AGFG1: variants seen among roughly 807,000 people sequenced by gnomAD.
AGFG1 encodes arf-GAP domain and FG repeat-containing protein 1.
In AGFG1, 10 loss-of-function variants were observed where a neutral mutation model predicts 60.6. The observed-to-expected ratio is 0.16, with a 90% CI of 0.10 to 0.28. AGFG1 has a LOEUF of 0.28. AGFG1 is among the 10% of genes least tolerant of loss of function. AGFG1 has a pLI of 1.00. For synonymous variants in AGFG1, 247 were observed against 242.9 expected (o/e 1.02, Z -0.16); for missense variants, 537 against 676.5 (o/e 0.79, Z 2.29).
At chr2:227,520,979 T>G (rs1691808526) in intron 3 of AGFG1, among the ~76,000 whole-genome samples, 1 of 152,198 alleles carries the variant, frequency 6.6e-6, no homozygotes, top group Non-Finnish European at 1.5e-5. Flanking sequence ...ACAGCAGAGG[T>G]CTTTACCTTC....
intron 2 of AGFG1, among the ~76,000 whole-genome samples, chr2:227,505,067 A>G (rs1375440105): frequency 1.3e-5 from 2 of 151,994 alleles, no homozygotes; most frequent in African/African-American, 4.8e-5. Flanking sequence ...TAAATACATC[A>G]TTTTTTGCTG....
At chr2:227,554,371 G>A in intron 12 of AGFG1, 65 bp from the exon 13 acceptor site, 1 of 1,323,512 alleles carries the variant, frequency 7.6e-7, no homozygotes, top group Non-Finnish European at 1.1e-6. Flanking sequence ...TCAGTTTAAT[G>A]TTTTTATATT....
At chr2:227,523,356 A>G (rs947464796) in intron 3 of AGFG1, among the ~76,000 whole-genome samples, 13 of 152,166 alleles carry the variant, frequency 8.5e-5, no homozygotes, top group African/African-American at 2.7e-4. Context: ...TAATATTACA[A>G]ATGTTTTCCT....
intron 5 of AGFG1, among the ~76,000 whole-genome samples, chr2:227,528,765 GCAA>G (rs1465208731): frequency 2.0e-5 from 3 of 152,182 alleles, no homozygotes; most frequent in Non-Finnish European, 2.9e-5. Context: ...ACAAGTCACT[GCAA>G]CTCTACAGAC....
At chr2:227,482,203 T>G (rs980867537) in intron 1 of AGFG1, among the ~76,000 whole-genome samples, 1 of 152,200 alleles carries the variant, frequency 6.6e-6, no homozygotes, top group Non-Finnish European at 1.5e-5. Context: ...TAATTAGGTT[T>G]AAGTCATAAC....
rs181186541 is a variant in AGFG1 at position 227,519,357 on chromosome 2, A to C, written c.262-591A>C. Among the ~76,000 whole-genome samples, 62 of 152,198 alleles carry C rather than the reference A, an allele frequency of 4.1e-4. 1 individual carries two copies. The highest frequency in any genetic ancestry group is 1.5e-3 in the African/African-American group (61 of 41,538). On this transcript the variant is annotated intron_variant, in intron 2 of 12. Coordinates refer to ENST00000310078, the MANE Select transcript of AGFG1 (RefSeq NM_004504.5). ...TTATTTTGATGAAGTCTGCTTTATCAGTTTTTCTCTTTATAGTTCTTTTTG... is the reference window on the plus strand; with the variant it reads ...TTATTTTGATGAAGTCTGCTTTATCCGTTTTTCTCTTTATAGTTCTTTTTG...
chr2:227,528,277 CTCT>C (rs1427022136), intron 5 of AGFG1, among the ~76,000 whole-genome samples: 1 of 152,138 alleles, frequency 6.6e-6, no homozygotes, highest in Non-Finnish European at 1.5e-5. Context: ...TGACATGGAT[CTCT>C]TTTTTCAGGA....
At chr2:227,545,027 C>T (rs549154581) in intron 10 of AGFG1, among the ~76,000 whole-genome samples, 1 of 152,304 alleles carries the variant, frequency 6.6e-6, no homozygotes, top group African/African-American at 2.4e-5. Flanking sequence ...TGGGGAAGTT[C>T]TCCTGGATAA....
chr2:227,531,527 T>C (rs1161451954), intron 6 of AGFG1, among the ~76,000 whole-genome samples: 9 of 146,494 alleles, frequency 6.1e-5, no homozygotes, highest in South Asian at 2.3e-4. Flanking sequence ...CTCTGTCTCT[T>C]TTTTTTTTTT....
chr2:227,502,429 T>C (rs1691187355), intron 2 of AGFG1, among the ~76,000 whole-genome samples: 1 of 152,182 alleles, frequency 6.6e-6, no homozygotes, highest in Admixed American at 6.5e-5. Context: ...CAGTTGGTTC[T>C]TGTGCCCCAG....
chr2:227,551,932 A>G, intron 10 of AGFG1, 27 bp from the exon 11 acceptor site: 2 of 1,611,736 alleles, frequency 1.2e-6, no homozygotes, highest in Non-Finnish European at 1.7e-6. Flanking sequence ...TGTTGTATGT[A>G]ACTGATCAGC....
Position 227,472,302 on chromosome 2 carries a change from G to A in AGFG1, c.-120G>A. ...AGCCGCTGCGGCCGGGTCCGGCGCG[G>A]GCGGCGCGCGCAGACGGAGGGCGGC... On this transcript the variant is annotated 5_prime_UTR_variant, in exon 1 of 13. Transcript: ENST00000310078. 1 of 601,144 alleles carries A rather than the reference G, an allele frequency of 1.7e-6. No individual in the cohort carries two copies. Among genetic ancestry groups the A allele is most frequent in the Non-Finnish European group, 2.1e-6 (1 of 480,628 alleles). The allele number at this position is 601,144 out of a possible 1,614,324, so 37.2% of individuals were successfully genotyped here. A position where few individuals can be genotyped will look rare whatever the true frequency, so the allele number is the denominator to read the frequency against.
intron 1 of AGFG1, among the ~76,000 whole-genome samples, chr2:227,481,454 A>G (rs1443205448): frequency 6.6e-6 from 1 of 152,082 alleles, no homozygotes; most frequent in Non-Finnish European, 1.5e-5. Flanking sequence ...TTAAGCCCTC[A>G]CCTGTATCCA....
intron 7 of AGFG1, 90 bp from the exon 8 acceptor site, chr2:227,534,755 A>G: frequency 7.4e-7 from 1 of 1,357,010 alleles, no homozygotes; most frequent in Non-Finnish European, 1.0e-6. Context: ...AATCCATTTT[A>G]AGTTTACCTG....
intron 10 of AGFG1, among the ~76,000 whole-genome samples, chr2:227,546,200 C>T (rs1186772539): frequency 6.6e-6 from 1 of 152,220 alleles, no homozygotes; most frequent in African/African-American, 2.4e-5. Flanking sequence ...TGGCGGGCGC[C>T]CCTCCCCCAG....
At chr2:227,473,500 C>T (rs1413407947) in intron 1 of AGFG1, among the ~76,000 whole-genome samples, 1 of 152,200 alleles carries the variant, frequency 6.6e-6, no homozygotes, top group Non-Finnish European at 1.5e-5. Context: ...CAGAAAGACA[C>T]TACCGTCCTG....
Position 227,472,356 on chromosome 2 carries a change from G to GCGGGCCCCCGGCGCAGCGCTGC in AGFG1, c.-64_-43dup. The GCGGGCCCCCGGCGCAGCGCTGC allele has an allele frequency of 1.0e-6, 1 of 1,001,808 alleles. No individual in the cohort carries two copies. The highest frequency in any genetic ancestry group is 1.2e-6 in the Non-Finnish European group (1 of 831,384). The allele number at this position is 1,001,808 out of a possible 1,614,324, so 62.1% of individuals were successfully genotyped here. A position where few individuals can be genotyped will look rare whatever the true frequency, so the allele number is the denominator to read the frequency against. ...CGCGGCCAGGGCGGCCCGTGGGACCGCGGGCCCCCGGCGCAGCGCTGCCCG... is the reference window on the plus strand; with the variant it reads ...CGCGGCCAGGGCGGCCCGTGGGACCGCGGGCCCCCGGCGCAGCGCTGCCGGGCCCCCGGCGCAGCGCTGCCCG... On this transcript the variant is annotated 5_prime_UTR_variant, in exon 1 of 13. Coordinates refer to ENST00000310078, the MANE Select transcript of AGFG1 (RefSeq NM_004504.5).
rs1692227497 is a variant in AGFG1 at position 227,533,737 on chromosome 2, A to G, written c.1003A>G (p.Asn335Asp). 6.2e-7 allele frequency: 1 copy of G among 1,613,590 alleles called. No individual in the cohort carries two copies. Residue 335 changes from asparagine (N) to aspartate (D), a missense_variant, in exon 7 of 13, where the codon AAT becomes GAT. Physicochemically the swap from Asn to Asp is conservative, Grantham distance 23. This residue lies in a region of AGFG1 where 287 missense variants were observed against 343.6 expected (regional missense o/e 0.84). Coordinates refer to ENST00000310078, the MANE Select transcript of AGFG1 (RefSeq NM_004504.5). ...DKYAALANLD[N>D]IFSAGQGGDQ... ...ATATGCAGCACTTGCTAATTTAGACAATATCTTCAGTGCCGGGCAAGGTAT... is the reference window on the plus strand; with the variant it reads ...ATATGCAGCACTTGCTAATTTAGACGATATCTTCAGTGCCGGGCAAGGTAT...
In AGFG1 at chr2:227,548,753, C is replaced by T. The variant is rs1050236008; in HGVS notation, c.1379-3206C>T. 2.2e-4 allele frequency among the ~76,000 whole-genome samples: 34 copies of T among 152,080 alleles called. 1 individual carries two copies. The highest frequency in any genetic ancestry group is 1.6e-3 in the East Asian group (8 of 5,152). ...GAGATCGAGACCATCCTGGCTAACA[C>T]GGTGAAACCCCGTCTCTACTAAAAA... On this transcript the variant is annotated intron_variant, in intron 10 of 12. Coordinates refer to ENST00000310078, the MANE Select transcript of AGFG1 (RefSeq NM_004504.5).
Sources: allele counts gnomAD v4.1 joint callset (sites outside exome capture counted in the v4.1 genomes callset), GRCh38; gene constraint gnomAD v4.1.1; regional missense constraint gnomAD v4.1.1; transcripts MANE v1.5; gene names NCBI Gene and HGNC (gene_info 2026-07-23, HGNC 2026-07-21).